ATR: variants seen among roughly 807,000 people sequenced by gnomAD.
ATR encodes serine/threonine-protein kinase ATR.
ATR carries 142 observed loss-of-function variants against 305.3 expected under a neutral mutation model. The observed-to-expected ratio is 0.47, with a 90% CI of 0.41 to 0.53. The LOEUF (loss-of-function observed/expected upper bound fraction) is 0.53, where lower values mean the gene tolerates loss of function less well. ATR is among the 20% of genes least tolerant of loss of function. The pLI is 0.00. For missense variants in ATR, 2,135 were observed against 3,133.1 expected (o/e 0.68, Z 7.60); for synonymous variants, 1,050 against 1,068.1 (o/e 0.98, Z 0.33).
intron 22 of ATR, among the ~76,000 whole-genome samples, chr3:142,523,585 A>AT (rs929059495): frequency 7.2e-5 from 11 of 151,928 alleles, no homozygotes. Flanking sequence ...TAAAAGTCAC[A>AT]TTTTTTTTAA....
rs763291989 is a variant in ATR, at chr3:142,508,077, C to T, written c.4885G>A (p.Val1629Ile). 5.0e-6 allele frequency: 8 copies of T among 1,612,932 alleles called. No individual in the cohort carries two copies. The highest frequency in any genetic ancestry group is 2.2e-5 in the East Asian group (1 of 44,846). Residue 1629 changes from valine (V) to isoleucine (I), a missense_variant, in exon 28 of 47, where the codon GTA (valine) becomes ATA (isoleucine). This residue lies in a region of ATR where 202 missense variants were observed against 252.9 expected (regional missense o/e 0.80). Coordinates refer to ENST00000350721, the MANE Select transcript of ATR (RefSeq NM_001184.4). ...GGTATGAGGTCTAGAAAACGGGTTA[C>T]ACTCTGATAGTCTTCATAATCCACA... The part of the protein sequence containing the change: ...STVDYEDYQS[V>I]TRFLDLIPQD...
Position 142,493,458 on chromosome 3 carries a change from A to G in ATR, c.5899-147T>C, listed in dbSNP as rs113643607. The G allele has an allele frequency of 1.5e-3, 1,444 of 979,212 alleles. 13 individuals are homozygous for G. The African/African-American group carries it at 0.022, about 15-fold the overall frequency. The allele number at this position is 979,212 out of a possible 1,614,324, so 60.7% of individuals were successfully genotyped here. On this transcript the variant is annotated intron_variant, in intron 34 of 46. Transcript: ENST00000350721. ...TTGCCTCTTATTAAAGTAAAATTCT[A>G]AAACTGAAACATTGCTTCATCTCAT... is the stretch of plus-strand genomic sequence containing the variant.
At chr3:142,485,840 C>T (rs1176445122) in intron 35 of ATR, among the ~76,000 whole-genome samples, 1 of 152,216 alleles carries the variant, frequency 6.6e-6, no homozygotes, top group Non-Finnish European at 1.5e-5. Context: ...GGATTCTCTA[C>T]CTCACATTGA....
intron 17 of ATR, among the ~76,000 whole-genome samples, chr3:142,542,282 AG>A (rs2034081366): frequency 6.6e-6 from 1 of 152,158 alleles, no homozygotes; most frequent in South Asian, 2.1e-4. Context: ...TGATGACGTG[AG>A]CTTGAAGCCA....
chr3:142,468,218 C>A, intron 38 of ATR, 150 bp from the exon 39 acceptor site: 1 of 894,474 alleles, frequency 1.1e-6, no homozygotes. Context: ...GCAATGCTAT[C>A]AAGAGCCATA....
At chr3:142,535,973 C>T in intron 20 of ATR, 135 bp downstream of exon 20, 2 of 664,104 alleles carry the variant, frequency 3.0e-6, no homozygotes, top group Non-Finnish European at 5.3e-6. Context: ...ATTATCTACT[C>T]ACCAGGAATT....
chr3:142,487,260 C>T (rs186553620), intron 35 of ATR, among the ~76,000 whole-genome samples: 6 of 152,128 alleles, frequency 3.9e-5, no homozygotes, highest in Admixed American at 2.0e-4. Context: ...CCTCAGCCTA[C>T]GGAGCAGCTG....
chr3:142,518,444 G>A (rs925918207), intron 24 of ATR, among the ~76,000 whole-genome samples: 12 of 152,212 alleles, frequency 7.9e-5, no homozygotes, highest in African/African-American at 2.9e-4. Flanking sequence ...TTGAACCCAG[G>A]AGGTAGAGGC....
chr3:142,528,629 T>C (rs1212164698), intron 21 of ATR, among the ~76,000 whole-genome samples: 2 of 151,764 alleles, frequency 1.3e-5, no homozygotes, highest in Non-Finnish European at 2.9e-5. Context: ...GTTTCTTACT[T>C]TGTAAGCCAA....
intron 46 of ATR, chr3:142,452,684 A>G: frequency 9.8e-7 from 1 of 1,025,200 alleles, no homozygotes; most frequent in South Asian, 3.2e-5. Flanking sequence ...AAAAACAACA[A>G]CCACCACCAC....
chr3:142,533,270 C>A (rs912319660), intron 21 of ATR, among the ~76,000 whole-genome samples: 5 of 152,026 alleles, frequency 3.3e-5, no homozygotes, highest in South Asian at 2.1e-4. Context: ...ACTGGAGAGA[C>A]CCTGCCTCTA....
chr3:142,482,904 G>C (rs2030618038), intron 36 of ATR, among the ~76,000 whole-genome samples: 1 of 148,968 alleles, frequency 6.7e-6, no homozygotes, highest in African/African-American at 2.5e-5. Context: ...CATTGATGAT[G>C]AACAAATATT....
intron 27 of ATR, among the ~76,000 whole-genome samples, chr3:142,509,031 A>G (rs2032410240): frequency 6.6e-6 from 1 of 152,108 alleles, no homozygotes; most frequent in Non-Finnish European, 1.5e-5. Context: ...CAAAAATTAA[A>G]AACTTCTAAA....
In ATR at chr3:142,459,315, G is replaced by A. The variant is rs1211640581; in HGVS notation, c.7261C>T (p.Leu2421Phe). ...AGGAGAAATTCTCGGAATACTTTGA[G>A]TTTTTCAGATAAAGCTGCTGACTTT... is the stretch of plus-strand genomic sequence containing the variant. Reference protein sequence around the residue: ...LPKSAALSEKLKVFREFLLPR... With the variant: ...LPKSAALSEKFKVFREFLLPR... The change falls in exon 43 of 47, where the codon CTC (leucine) becomes TTC (phenylalanine). Residue 2421 changes from leucine to phenylalanine, a missense_variant. Physicochemically the swap from Leu to Phe is conservative, Grantham distance 22. Coordinates refer to ENST00000350721, the MANE Select transcript of ATR (RefSeq NM_001184.4). 11 of 1,613,930 alleles carry A rather than the reference G, an allele frequency of 6.8e-6. No individual in the cohort carries two copies. The highest frequency in any genetic ancestry group is 8.5e-6 in the Non-Finnish European group (10 of 1,179,856).
At chr3:142,534,545 C>A (rs1258557651) in intron 21 of ATR, among the ~76,000 whole-genome samples, 1 of 151,926 alleles carries the variant, frequency 6.6e-6, no homozygotes, top group African/African-American at 2.4e-5. Flanking sequence ...TAAATTTTTT[C>A]CAATTTATTC....
At chr3:142,490,127 T>C (rs2031190661) in intron 35 of ATR, among the ~76,000 whole-genome samples, 1 of 152,204 alleles carries the variant, frequency 6.6e-6, no homozygotes, top group Non-Finnish European at 1.5e-5. Flanking sequence ...GGTGCAATCA[T>C]AGCTAACTGT....
chr3:142,514,565 C>T (rs1393147985), intron 25 of ATR, among the ~76,000 whole-genome samples: 1 of 150,552 alleles, frequency 6.6e-6, no homozygotes, highest in Non-Finnish European at 1.5e-5. Context: ...ACCCGGGAGG[C>T]GGAGCTTGCA....
rs28367453 is a variant in ATR, at chr3:142,561,264, C to G, written c.1328G>C (p.Arg443Thr). 8.2e-4 allele frequency: 1,324 copies of G among 1,613,910 alleles called. 9 individuals are homozygous for G. The African/African-American group carries it at 0.015, about 19-fold the overall frequency. Reference sequence around the variant, plus strand: ...ATACTCCTCAGTCTGTTTTGGTGCTCTTTTAGAAGGGTTTAGAGACGAGCT... The same window carrying G: ...ATACTCCTCAGTCTGTTTTGGTGCTGTTTTAGAAGGGTTTAGAGACGAGCT... ...RLSSSLNPSK[R>T]APKQTEEIKH... The change falls in exon 5 of 47, where the codon AGA (arginine) becomes ACA (threonine). Residue 443 changes from arginine to threonine, a missense_variant. By Grantham distance (71) the Arg-to-Thr change is moderately conservative (BLOSUM62 -1). Coordinates refer to ENST00000350721, the MANE Select transcript of ATR (RefSeq NM_001184.4).
rs773935671 is a variant in ATR, at chr3:142,470,071, C to T, written c.6319+15G>A. The T allele has an allele frequency of 1.7e-5, 27 of 1,574,900 alleles. No individual in the cohort carries two copies. The highest frequency in any genetic ancestry group is 9.0e-5 in the East Asian group (4 of 44,532). On this transcript the variant is annotated intron_variant, in intron 37 of 46. Transcript: ENST00000350721. ...AATTCCTAGTCCTTTAAAACTTTTA[C>T]GTGAAGAGTTATACCTTTTTCCCAT...
Sources: allele counts gnomAD v4.1 joint callset (sites outside exome capture counted in the v4.1 genomes callset), GRCh38; gene constraint gnomAD v4.1.1; regional missense constraint gnomAD v4.1.1; transcripts MANE v1.5; gene names NCBI Gene and HGNC (gene_info 2026-07-23, HGNC 2026-07-21).